Variants in RXRA observed in about 807,000 individuals in gnomAD.
RXRA encodes the protein retinoid X receptor alpha.
In RXRA, 5 loss-of-function variants were observed where a neutral mutation model predicts 44.5. The ratio of observed to expected loss-of-function variants is 0.11; its 90% CI spans 0.06 to 0.24. The LOEUF is 0.24. RXRA is among the 10% of genes least tolerant of loss of function. The pLI is 1.00. For missense variants in RXRA, 412 were observed against 646.5 expected (o/e 0.64, Z 3.93); for synonymous variants, 291 against 271.4 (o/e 1.07, Z -0.71).
intron 2 of RXRA, 141 bp from the exon 3 acceptor site, chr9:134,408,008 T>TG: frequency 1.9e-6 from 1 of 518,724 alleles, no homozygotes; most frequent in Non-Finnish European, 3.3e-6. Flanking sequence ...GCGTGGCGGG[T>TG]GGGGGGCACG....
intron 1 of RXRA, among the ~76,000 whole-genome samples, chr9:134,388,352 G>T (rs114520271): frequency 0.015 from 2,300 of 152,006 alleles, 56 homozygotes; most frequent in African/African-American, 0.053. Context: ...CGGGCATCTG[G>T]TGCTGGGTCA....
chr9:134,390,359 G>A (rs1425211512), intron 1 of RXRA, among the ~76,000 whole-genome samples: 5 of 152,162 alleles, frequency 3.3e-5, no homozygotes, highest in Non-Finnish European at 7.3e-5. Context: ...CCACTCTGTC[G>A]CTGCCAGAAG....
At chr9:134,354,820 C>G (rs781806834) in intron 1 of RXRA, among the ~76,000 whole-genome samples, 1 of 152,272 alleles carries the variant, frequency 6.6e-6, no homozygotes, top group East Asian at 1.9e-4. Flanking sequence ...CAATTGTCCT[C>G]GTCCTGGATT....
chr9:134,440,054 T>G lies in RXRA; in HGVS notation c.*3440T>G, dbSNP rs1831705295. 1.3e-5 allele frequency: 2 copies of G among 151,092 alleles called. No homozygotes were observed. Among genetic ancestry groups the G allele is most frequent in the Admixed American group, 1.3e-4 (2 of 15,192 alleles). 9.4% of individuals were successfully genotyped at this position (151,092 alleles called of 1,614,324 possible). ...GAGGATGACAGATCCATAAAGAGAG[T>G]AAAGATAAGAGAAAATGTCTAAAGC... On this transcript the variant is annotated 3_prime_UTR_variant, in exon 10 of 10. Transcript: ENST00000481739.
chr9:134,373,223 G>A lies in RXRA; in HGVS notation c.29-28409G>A, dbSNP rs114876998. Among the ~76,000 whole-genome samples the A allele has an allele frequency of 2.8e-3, 419 of 152,212 alleles. 2 individuals carry two copies. Among genetic ancestry groups the A allele is most frequent in the African/African-American group, 9.8e-3 (408 of 41,526 alleles). On this transcript the variant is annotated intron_variant, in intron 1 of 9. Transcript: ENST00000481739. ...GGGGCCCGGGTGGGATGAAGGACTC[G>A]GGTCCCAGAGACCAGCCTTTGGTGC...
intron 1 of RXRA, among the ~76,000 whole-genome samples, chr9:134,387,025 T>C (rs1744219781): frequency 6.6e-6 from 1 of 152,222 alleles, no homozygotes. Context: ...AGCAGGGGGC[T>C]TAAGCGGCCA....
chr9:134,414,054 C>G (rs1165484679), intron 4 of RXRA, among the ~76,000 whole-genome samples: 1 of 152,244 alleles, frequency 6.6e-6, no homozygotes, highest in Non-Finnish European at 1.5e-5. Context: ...AGCATGACTT[C>G]GTCTAGAAGG....
intron 4 of RXRA, among the ~76,000 whole-genome samples, chr9:134,414,556 G>T (rs1489524249): frequency 6.6e-6 from 1 of 152,266 alleles, no homozygotes; most frequent in Non-Finnish European, 1.5e-5. Context: ...GCTGTGGCAG[G>T]CTAGCAGGCT....
chr9:134,368,905 T>TGTGAGTGC (rs1830450034), intron 1 of RXRA, among the ~76,000 whole-genome samples: 1 of 118,314 alleles, frequency 8.5e-6, no homozygotes, highest in African/African-American at 3.3e-5. Flanking sequence ...TATGTGTGTG[T>TGTGAGTGC]GGGGGTTGTG....
At chr9:134,401,338 G>A (rs971209543) in intron 1 of RXRA, 72 of 447,582 alleles carry the variant, frequency 1.6e-4, no homozygotes, top group African/African-American at 1.1e-3. Context: ...GGGTTGGAGC[G>A]ACCCAGGCGG....
At position 134,438,102 on chromosome 9, in the gene RXRA, C is replaced by G. The variant is rs935110279; in HGVS notation, c.*1488C>G. ...ACTTTTCCCGTTCACGCCTCAGTCC[C>G]GTGGACCCAGCCTTTGTCAGTGGCA... is the stretch of plus-strand genomic sequence containing the variant. On this transcript the variant is annotated 3_prime_UTR_variant, in exon 10 of 10. Coordinates refer to ENST00000481739, the MANE Select transcript of RXRA (RefSeq NM_002957.6). The G allele has an allele frequency of 6.5e-6, 1 of 152,850 alleles. No individual in the cohort carries two copies. Among genetic ancestry groups the G allele is most frequent in the Non-Finnish European group, 1.5e-5 (1 of 68,316 alleles). 9.5% of individuals were successfully genotyped at this position (152,850 alleles called of 1,614,324 possible).
chr9:134,413,380 GT>G (rs1170619464), intron 4 of RXRA, among the ~76,000 whole-genome samples: 1 of 150,972 alleles, frequency 6.6e-6, no homozygotes, highest in African/African-American at 2.4e-5. Context: ...TGTCTGCATG[GT>G]TTGTGTGCAC....
At chr9:134,422,947 G>A (rs1831372394) in intron 6 of RXRA, 1 of 985,360 alleles carries the variant, frequency 1.0e-6, no homozygotes, top group Non-Finnish European at 1.2e-6. Context: ...TGCGGTAATG[G>A]TGGTGCACAG....
intron 1 of RXRA, among the ~76,000 whole-genome samples, chr9:134,362,788 C>T (rs1830368315): frequency 6.6e-6 from 1 of 152,268 alleles, no homozygotes; most frequent in Admixed American, 6.5e-5. Flanking sequence ...CCGGTCAGCT[C>T]CCAGCTGGAG....
At chr9:134,331,107 A>C (rs1834997748) in intron 1 of RXRA, among the ~76,000 whole-genome samples, 1 of 152,184 alleles carries the variant, frequency 6.6e-6, no homozygotes, top group South Asian at 2.1e-4. Flanking sequence ...TAGGCCTGCC[A>C]CAGGAGAGCG....
chr9:134,367,585 C>T (rs897580304), intron 1 of RXRA, among the ~76,000 whole-genome samples: 1 of 152,232 alleles, frequency 6.6e-6, no homozygotes, highest in Non-Finnish European at 1.5e-5. Flanking sequence ...CCTGGCCCCT[C>T]GGCCAAGCTG....
At chr9:134,434,697 C>T (rs886651993) in intron 9 of RXRA, among the ~76,000 whole-genome samples, 1 of 152,256 alleles carries the variant, frequency 6.6e-6, no homozygotes, top group Non-Finnish European at 1.5e-5. Flanking sequence ...CCTGGAAGGG[C>T]TGGGGCTCCC....
intron 9 of RXRA, among the ~76,000 whole-genome samples, chr9:134,435,065 C>T (rs1388376526): frequency 2.0e-5 from 3 of 152,242 alleles, no homozygotes; most frequent in Non-Finnish European, 4.4e-5. Context: ...CCTGGCCCAT[C>T]TCGCCAGCTC....
intron 1 of RXRA, among the ~76,000 whole-genome samples, chr9:134,356,528 C>T (rs1830285725): frequency 6.6e-6 from 1 of 152,188 alleles, no homozygotes; most frequent in Non-Finnish European, 1.5e-5. Flanking sequence ...GATGGAGGCC[C>T]TTCCTGCTGA....
Sources: gnomAD v4.1 joint callset for allele counts (sites outside exome capture counted in the v4.1 genomes callset) on GRCh38, gnomAD v4.1.1 for gene constraint, MANE v1.5 for transcripts, NCBI Gene and HGNC (gene_info 2026-07-23, HGNC 2026-07-21) for gene names.